The following PRIM2 variants were observed in gnomAD, a reference collection of about 807,000 sequenced individuals.
PRIM2 encodes DNA primase large subunit.
Under a neutral mutation model 67.3 loss-of-function variants are expected in PRIM2, and 39 were observed. That is an observed-to-expected ratio of 0.58 (90% CI 0.45 to 0.76). The LOEUF is 0.76. Ranked by LOEUF, PRIM2 falls within the 30% of genes least tolerant of loss-of-function variation. The pLI, the probability that PRIM2 is intolerant of heterozygous loss-of-function variation, is 0.00. For synonymous variants in PRIM2, 143 were observed against 198.7 expected (o/e 0.72, Z 2.36); for missense variants, 398 against 598.7 (o/e 0.66, Z 3.50).
the PRIM2 span, among the ~76,000 whole-genome samples, chr6:57,226,180 C>T: frequency 6.6e-6 from 1 of 152,064 alleles, no homozygotes; most frequent in Non-Finnish European, 1.5e-5. Flanking sequence ...AGAAAGTATA[C>T]AAATACACAC....
chr6:57,412,780 C>T (rs1353030000), intron 7 of PRIM2, among the ~76,000 whole-genome samples: 1 of 151,834 alleles, frequency 6.6e-6, no homozygotes, highest in African/African-American at 2.4e-5. Context: ...TATGGGAAAA[C>T]AAGTTCCTGT....
At chr6:57,287,185 T>C in the PRIM2 span, among the ~76,000 whole-genome samples, 1 of 152,304 alleles carries the variant, frequency 6.6e-6, no homozygotes, top group East Asian at 1.9e-4. Context: ...TCAGCCATTG[T>C]GGAAGACAGT....
At chr6:57,382,932 AT>A (rs1770013494) in intron 7 of PRIM2, 1 of 152,096 alleles carries the variant, frequency 6.6e-6, no homozygotes, top group African/African-American at 2.4e-5. Flanking sequence ...ATATAAATAA[AT>A]TTTTATTGAC....
At chr6:57,620,284 A>G (rs1165349375) in intron 12 of PRIM2, among the ~76,000 whole-genome samples, 1 of 152,216 alleles carries the variant, frequency 6.6e-6, no homozygotes, top group Non-Finnish European at 1.5e-5. Context: ...AGTTAAGATG[A>G]AGGAACAAAT....
chr6:57,264,381 A>C, the PRIM2 span, among the ~76,000 whole-genome samples: 2 of 151,890 alleles, frequency 1.3e-5, no homozygotes, highest in Admixed American at 6.6e-5. Flanking sequence ...GTCTGCATTT[A>C]TTTTGGCCTC....
intron 10 of PRIM2, among the ~76,000 whole-genome samples, chr6:57,567,136 A>G (rs1775759484): frequency 6.6e-6 from 1 of 152,182 alleles, no homozygotes; most frequent in Non-Finnish European, 1.5e-5. Context: ...CATTAGAAAT[A>G]TTGTAATTTT....
At chr6:57,488,250 A>G (rs1439377638) in intron 7 of PRIM2, among the ~76,000 whole-genome samples, 79,089 of 151,974 alleles carry the variant, frequency 0.52, 21,850 homozygotes, top group African/African-American at 0.71. Flanking sequence ...ATTGAAAGAG[A>G]TTGGAAAAGG....
chr6:57,238,984 T>TA, the PRIM2 span, among the ~76,000 whole-genome samples: 42 of 151,916 alleles, frequency 2.8e-4, no homozygotes, highest in Non-Finnish European at 5.1e-4. Context: ...TTTTCTTTTT[T>TA]CTTTTTTTAT....
the PRIM2 span, among the ~76,000 whole-genome samples, chr6:57,277,487 C>G: frequency 1.3e-5 from 2 of 152,148 alleles, no homozygotes; most frequent in African/African-American, 4.8e-5. Context: ...CTTCAAGGAA[C>G]TTACAATGCA....
the PRIM2 span, among the ~76,000 whole-genome samples, chr6:57,236,924 A>T: frequency 6.6e-6 from 1 of 151,928 alleles, no homozygotes; most frequent in Non-Finnish European, 1.5e-5. Context: ...CCTTTGGGTA[A>T]ATACCAGTAA....
chr6:57,541,021 G>A (rs1377803276), intron 10 of PRIM2, among the ~76,000 whole-genome samples: 2 of 152,064 alleles, frequency 1.3e-5, no homozygotes, highest in Non-Finnish European at 2.9e-5. Context: ...AACACCATTG[G>A]GCTCATAGGA....
intron 7 of PRIM2, among the ~76,000 whole-genome samples, chr6:57,472,657 A>G (rs1196548119): frequency 2.0e-5 from 3 of 152,148 alleles, no homozygotes; most frequent in African/African-American, 7.2e-5. Flanking sequence ...CCATTCAGAG[A>G]ATAGAGGAAT....
At chr6:57,509,040 A>T (rs1326060015) in intron 8 of PRIM2, among the ~76,000 whole-genome samples, 20 of 151,966 alleles carry the variant, frequency 1.3e-4, no homozygotes, top group African/African-American at 4.4e-4. Context: ...CTTTCACCAG[A>T]AAGTTTTAGT....
chr6:57,443,040 T>G (rs1454239527), intron 7 of PRIM2, among the ~76,000 whole-genome samples: 1 of 152,204 alleles, frequency 6.6e-6, no homozygotes, highest in Non-Finnish European at 1.5e-5. Flanking sequence ...ACTTATCATG[T>G]TCTCTAATTC....
the PRIM2 span, among the ~76,000 whole-genome samples, chr6:57,228,016 A>G: frequency 6.6e-6 from 1 of 152,238 alleles, no homozygotes; most frequent in African/African-American, 2.4e-5. Context: ...TTTTGCAACC[A>G]GGACTAATTC....
chr6:57,467,986 A>T (rs1773245859), intron 7 of PRIM2, among the ~76,000 whole-genome samples: 17 of 152,178 alleles, frequency 1.1e-4, no homozygotes. Flanking sequence ...GTATCCTGAG[A>T]CTTTGCTGAA....
chr6:57,583,268 A>G (rs2127485688), intron 10 of PRIM2, among the ~76,000 whole-genome samples: 1 of 146,674 alleles, frequency 6.8e-6, no homozygotes, highest in East Asian at 2.2e-4. Context: ...ATGCTGGTGC[A>G]CTGCACCCAC....
At chr6:57,391,593 T>TA (rs139948974) in intron 7 of PRIM2, among the ~76,000 whole-genome samples, 5,032 of 152,318 alleles carry the variant, frequency 0.033, 276 homozygotes, top group African/African-American at 0.11. Context: ...GCTAGCCAGT[T>TA]ATCCAGCACC....
At chr6:57,285,404 C>T in the PRIM2 span, among the ~76,000 whole-genome samples, 8 of 152,184 alleles carry the variant, frequency 5.3e-5, no homozygotes, top group African/African-American at 1.9e-4. Flanking sequence ...CCCAGCAGCA[C>T]ATCAAAAAGC....
Sources: allele counts gnomAD v4.1 joint callset (sites outside exome capture counted in the v4.1 genomes callset), GRCh38; gene constraint gnomAD v4.1.1; transcripts MANE v1.5; gene names NCBI Gene and HGNC (gene_info 2026-07-23, HGNC 2026-07-21).